The following PPRC1 variants were observed in gnomAD, a reference collection of about 807,000 sequenced individuals.
The protein encoded by PPRC1 is PPARG related coactivator 1, also known as peroxisome proliferator-activated receptor gamma coactivator-related protein 1.
In PPRC1, 23 loss-of-function variants were observed where a neutral mutation model predicts 132.5. The observed-to-expected ratio is 0.17, with a 90% CI of 0.12 to 0.25. The LOEUF (loss-of-function observed/expected upper bound fraction) is 0.25. Among genes scored for constraint, PPRC1 ranks in the 10% least tolerant of loss-of-function variants. The pLI is 1.00. For synonymous variants in PPRC1, 872 were observed against 833.5 expected, an observed-to-expected ratio of 1.05 and a Z score of -0.80; for missense variants, 2,006 against 2,089.1, an observed-to-expected ratio of 0.96 and a Z score of 0.78.
Position 102,146,876 on chromosome 10 carries a change from A to T in PPRC1, c.3884A>T (p.Asp1295Val). Residue 1295 changes from aspartate to valine, a missense_variant, in exon 9 of 14, where the codon GAC becomes GTC. Physicochemically the swap from Asp to Val is radical, Grantham distance 152 (BLOSUM62 -3). Coordinates refer to ENST00000278070, the MANE Select transcript of PPRC1 (RefSeq NM_015062.5). ...GPSRVHVGSGDHDYCVRSRTP... is the reference protein window; with the variant it reads ...GPSRVHVGSGVHDYCVRSRTP... ...AGTCGAGTCCATGTGGGCTCTGGGG[A>T]CCATGACTATTGTGTCCGGAGCAGG... The T allele has an allele frequency of 1.9e-6, 3 of 1,613,924 alleles. No individual in the cohort carries two copies. Among genetic ancestry groups the T allele is most frequent in the Non-Finnish European group, 2.5e-6 (3 of 1,179,930 alleles).
intron 5 of PPRC1, 159 bp from the exon 6 acceptor site, chr10:102,142,886 G>A (rs1358546533): frequency 3.5e-6 from 2 of 576,156 alleles, no homozygotes; most frequent in Non-Finnish European, 6.0e-6. Flanking sequence ...CCCTGGGTTG[G>A]TTTGAATCCT....
Position 102,141,995 on chromosome 10 carries a change from A to G in PPRC1, c.3487A>G (p.Ser1163Gly). The G allele has an allele frequency of 1.9e-6, 3 of 1,607,450 alleles. No individual in the cohort carries two copies. Among genetic ancestry groups the G allele is most frequent in the Non-Finnish European group, 2.6e-6 (3 of 1,175,786 alleles). The change falls in exon 5 of 14, where the codon AGT becomes GGT. Residue 1163 changes from serine (S) to glycine (G), a missense_variant. Coordinates refer to ENST00000278070, the MANE Select transcript of PPRC1 (RefSeq NM_015062.5). ...TGAAGATGTGGTACAGGCTTTCATC[A>G]GTGAGATTGGTGAGTGACACACAGT... ...GSEDVVQAFISEIGIEASDLS... is the reference protein window; with the variant it reads ...GSEDVVQAFIGEIGIEASDLS...
intron 5 of PPRC1, 84 bp from the exon 6 acceptor site, chr10:102,142,961 G>A: frequency 8.2e-7 from 1 of 1,214,678 alleles, no homozygotes; most frequent in Non-Finnish European, 1.2e-6. Context: ...AAAGGGAGAA[G>A]TGAGATGATT....
rs773777168 is a variant in PPRC1 at position 102,145,080 on chromosome 10, C to T, written c.3669C>T (p.Ala1223=). Residue 1223 remains alanine (A), a synonymous_variant, in exon 8 of 14, where the codon GCC becomes GCT. Transcript: ENST00000278070. ...PLDRLQAPEL[A]NVAGLTPPAT... ...ACCGGTTACAAGCCCCAGAACTGGC[C>T]AACGTGGCAGGTGGGTTCAGGGTGG... 6.2e-7 allele frequency: 1 copy of T among 1,613,522 alleles called. No homozygotes were observed. The highest frequency in any genetic ancestry group is 8.5e-7 in the Non-Finnish European group (1 of 1,179,564).
Position 102,133,040 on chromosome 10 carries a change from A to G in PPRC1, c.-29A>G, listed in dbSNP as rs558006729. 9.7e-6 allele frequency: 12 copies of G among 1,239,446 alleles called. No individual in the cohort carries two copies. Among genetic ancestry groups the G allele is most frequent in the Non-Finnish European group, 1.1e-5 (11 of 987,808 alleles). The allele number at this position is 1,239,446 out of a possible 1,614,324, so 76.8% of individuals were successfully genotyped here. On this transcript the variant is annotated 5_prime_UTR_variant, in exon 1 of 14. Coordinates refer to ENST00000278070, the MANE Select transcript of PPRC1 (RefSeq NM_015062.5). Reference sequence around the variant, plus strand: ...GCTGGGCGAGGCGGCGCCAGCGATCAGAGCAGCGCTGGGTGTTCAGGGGCC... The same window carrying G: ...GCTGGGCGAGGCGGCGCCAGCGATCGGAGCAGCGCTGGGTGTTCAGGGGCC...
rs1461456657 is a variant in PPRC1, at chr10:102,142,981, C to G, written c.3497-64C>G. Reference sequence around the variant, plus strand: ...GAGAAGTGAGATGATTTGGGGGCTTCCTGGGACCTGTGTACTAAGTTGATA... The same window carrying G: ...GAGAAGTGAGATGATTTGGGGGCTTGCTGGGACCTGTGTACTAAGTTGATA... On this transcript the variant is annotated intron_variant, in intron 5 of 13. Coordinates refer to ENST00000278070, the MANE Select transcript of PPRC1 (RefSeq NM_015062.5). 3.5e-6 allele frequency: 5 copies of G among 1,442,614 alleles called. No individual in the cohort carries two copies. The African/African-American group carries it at 7.1e-5, about 20-fold the overall frequency. The allele number at this position is 1,442,614 out of a possible 1,614,324, so 89.4% of individuals were successfully genotyped here.
At chr10:102,125,119 G>A in the PPRC1 span, among the ~76,000 whole-genome samples, 20 of 151,940 alleles carry the variant, frequency 1.3e-4, no homozygotes, top group South Asian at 4.2e-3. Context: ...TTGAGACAGA[G>A]TCTCGCTCTG....
Position 102,148,413 on chromosome 10 carries a change from C to G in PPRC1, c.4442C>G (p.Ser1481Cys). 1 of 1,612,588 alleles carries G rather than the reference C, an allele frequency of 6.2e-7. No homozygotes were observed. The highest frequency in any genetic ancestry group is 8.5e-7 in the Non-Finnish European group (1 of 1,178,810). ...SSSGRSRRCSSSSSSSSSSSS... is the reference protein window; with the variant it reads ...SSSGRSRRCSCSSSSSSSSSS... ...TCTGGACGTTCTCGAAGATGCTCTT[C>G]CTCTTCTTCGTCATCATCTTCCTCT... Residue 1481 changes from serine to cysteine, a missense_variant, in exon 10 of 14, where the codon TCC becomes TGC. Transcript: ENST00000278070. The surrounding 1 kb of genome is among the most constrained non-coding windows in gnomAD (Gnocchi z 4.2).
chr10:102,145,884 A>C (rs1042549075), intron 8 of PPRC1, among the ~76,000 whole-genome samples: 13 of 152,110 alleles, frequency 8.5e-5, no homozygotes, highest in Non-Finnish European at 1.5e-4. Flanking sequence ...CAAACAACAA[A>C]AAAAAACAAC....
chr10:102,123,256 T>A, the PPRC1 span, among the ~76,000 whole-genome samples: 1 of 152,156 alleles, frequency 6.6e-6, no homozygotes, highest in African/African-American at 2.4e-5. Context: ...TTACTTCTAG[T>A]GTGGATCAGA....
intron 13 of PPRC1, 109 bp downstream of exon 13, chr10:102,149,438 A>G (rs1341804663): frequency 1.5e-6 from 2 of 1,290,856 alleles, no homozygotes; most frequent in Non-Finnish European, 2.0e-6. Flanking sequence ...TTGACATACA[A>G]AGAACCCAAG....
In PPRC1 at chr10:102,139,613, T is replaced by C; in HGVS notation, c.1105T>C (p.Ser369Pro). Reference protein sequence around the residue: ...LEIPVVVRQVSPGPRPVLLDD... With the variant: ...LEIPVVVRQVPPGPRPVLLDD... ...GATCCCAGTTGTGGTGCGACAGGTC[T>C]CTCCTGGACCCCGGCCTGTGCTCCT... The change falls in exon 5 of 14, where the codon TCT becomes CCT. Residue 369 changes from serine to proline, a missense_variant. Physicochemically the swap from Ser to Pro is moderately conservative, Grantham distance 74 (BLOSUM62 -1). This residue lies in a region of PPRC1 where 1,914 missense variants were observed against 1,917.2 expected (regional missense o/e 1.00). Coordinates refer to ENST00000278070, the MANE Select transcript of PPRC1 (RefSeq NM_015062.5). 2 of 1,613,940 alleles carry C rather than the reference T, an allele frequency of 1.2e-6. No individual in the cohort carries two copies. Among genetic ancestry groups the C allele is most frequent in the Non-Finnish European group, 1.7e-6 (2 of 1,180,018 alleles).
Position 102,148,284 on chromosome 10 carries a change from A to C in PPRC1, c.4401-88A>C. The stretch of plus-strand genomic sequence containing the variant: ...TTTGTCTTTGGTCCTGAGCTTCCTA[A>C]AAGAAAGGCAGGACTGGGGCCTGGG... On this transcript the variant is annotated intron_variant, in intron 9 of 13. Transcript: ENST00000278070. The surrounding 1 kb of genome is among the most constrained non-coding windows in gnomAD (Gnocchi z 4.2). The C allele has an allele frequency of 6.8e-7, 1 of 1,469,560 alleles. No homozygotes were observed. The highest frequency in any genetic ancestry group is 9.2e-7 in the Non-Finnish European group (1 of 1,081,326). The allele number at this position is 1,469,560 out of a possible 1,614,324, so 91.0% of individuals were successfully genotyped here.
At position 102,148,785 on chromosome 10, in the gene PPRC1, G is replaced by A. The variant is rs1441508266; in HGVS notation, c.4618-32G>A. ...CCTGCAGCTGTAGCCCTGGCTAATG[G>A]TGTGTTGATTTTTTTTCATTTCCAA... On this transcript the variant is annotated intron_variant, in intron 11 of 13. Transcript: ENST00000278070. The surrounding 1 kb of genome is among the most constrained non-coding windows in gnomAD (Gnocchi z 4.2). 1 of 1,614,180 alleles carries A rather than the reference G, an allele frequency of 6.2e-7. No individual in the cohort carries two copies. The highest frequency in any genetic ancestry group is 8.5e-7 in the Non-Finnish European group (1 of 1,180,022).
upstream of PPRC1, among the ~76,000 whole-genome samples, chr10:102,130,390 C>T (rs1030357729): frequency 8.6e-5 from 11 of 128,378 alleles, no homozygotes; most frequent in Admixed American, 1.0e-3. Context: ...GCACTCCAGC[C>T]TGGGTGACAG....
chr10:102,135,358 CTATA>C (rs77613239), intron 1 of PPRC1, among the ~76,000 whole-genome samples: 1 of 150,848 alleles, frequency 6.6e-6, no homozygotes, highest in Non-Finnish European at 1.5e-5. Flanking sequence ...CTTTTGTAAG[CTATA>C]TATATATATA....
At chr10:102,123,902 G>T in the PPRC1 span, among the ~76,000 whole-genome samples, 4 of 142,216 alleles carry the variant, frequency 2.8e-5, no homozygotes, top group Non-Finnish European at 4.5e-5. Flanking sequence ...GTGCAATGGC[G>T]CAATTTCAGC....
chr10:102,150,068 G>T lies in PPRC1; in HGVS notation c.*39G>T. The T allele has an allele frequency of 6.6e-7, 1 of 1,511,134 alleles. No individual in the cohort carries two copies. Among genetic ancestry groups the T allele is most frequent in the African/African-American group, 1.4e-5 (1 of 72,798 alleles). 93.6% of individuals were successfully genotyped at this position (1,511,134 alleles called of 1,614,324 possible). ...CCTGCTATCCTTTTTCTCCTTTGGA[G>T]GTGCCCAACCTCCTCCACCCCCTTC... On this transcript the variant is annotated 3_prime_UTR_variant, in exon 14 of 14. Coordinates refer to ENST00000278070, the MANE Select transcript of PPRC1 (RefSeq NM_015062.5).
Position 102,137,975 on chromosome 10 carries a change from C to G in PPRC1, c.279C>G (p.Thr93=), listed in dbSNP as rs1482248833. The G allele has an allele frequency of 6.2e-7, 1 of 1,614,100 alleles. No individual in the cohort carries two copies. Among genetic ancestry groups the G allele is most frequent in the African/African-American group, 1.3e-5 (1 of 75,020 alleles). Residue 93 remains threonine (T), a synonymous_variant, in exon 2 of 14, where the codon ACC becomes ACG. Transcript: ENST00000278070. The part of the protein sequence containing the change: ...LMLQDETLLG[T]MQSYMDASLI... ...TGCAGGATGAGACACTGCTGGGGAC[C>G]ATGCAGAGCTACATGGATGCCTCCC...
Sources: gnomAD v4.1 joint callset for allele counts (sites outside exome capture counted in the v4.1 genomes callset) on GRCh38, gnomAD v4.1.1 for gene constraint, gnomAD v4.1.1 regional missense constraint, Gnocchi (gnomAD v3.1) non-coding constraint, MANE v1.5 for transcripts, NCBI Gene and HGNC (gene_info 2026-07-23, HGNC 2026-07-21) for gene names.